The following STXBP6 variants were observed in gnomAD, a reference collection of about 807,000 sequenced individuals.
STXBP6 encodes the protein syntaxin binding protein 6.
STXBP6 carries 21 observed loss-of-function variants against 26.9 expected under a neutral mutation model. The ratio of observed to expected loss-of-function variants is 0.78; its 90% CI spans 0.55 to 1.12. The LOEUF (loss-of-function observed/expected upper bound fraction) is 1.12, where lower values mean the gene tolerates loss of function less well. STXBP6 is among the 50% of genes most tolerant of loss of function. The probability of loss-of-function intolerance (pLI) is 0.00; values close to 1 mark genes in which losing one functional copy is unlikely to be tolerated. For synonymous variants in STXBP6, 97 were observed against 92.6 expected, an observed-to-expected ratio of 1.05 and a Z score of -0.27; for missense variants, 232 against 257.9, an observed-to-expected ratio of 0.90 and a Z score of 0.69.
At chr14:24,916,636 C>G (rs1047963114) in intron 2 of STXBP6, among the ~76,000 whole-genome samples, 1 of 151,974 alleles carries the variant, frequency 6.6e-6, no homozygotes, top group East Asian at 1.9e-4. Flanking sequence ...CCAGAAAATA[C>G]TAGGGAGAAC....
intron 2 of STXBP6, among the ~76,000 whole-genome samples, chr14:24,875,502 G>A (rs1045294813): frequency 2.5e-4 from 38 of 152,178 alleles, no homozygotes; most frequent in African/African-American, 8.4e-4. Flanking sequence ...AAGATTGTTG[G>A]ATGAACTGTT....
In STXBP6 at chr14:25,049,203, C is replaced by T; in HGVS notation, c.-33+675G>A. 2.0e-6 allele frequency: 2 copies of T among 985,388 alleles called. No individual in the cohort carries two copies. The highest frequency in any genetic ancestry group is 2.4e-6 in the Non-Finnish European group (2 of 829,944). 61.0% of individuals were successfully genotyped at this position (985,388 alleles called of 1,614,324 possible). A position where few individuals can be genotyped will look rare whatever the true frequency, so the allele number is the denominator to read the frequency against. On this transcript the variant is annotated intron_variant, in intron 1 of 5. Coordinates refer to ENST00000323944, the MANE Select transcript of STXBP6 (RefSeq NM_001394410.1). This position sits in a 1 kb window ranked among gnomAD's most constrained non-coding sequence, Gnocchi z 5.6. ...AAGGTTGGAGGGAAAATCAAGCCAC[C>T]CACCTACTCCAGCCACGTTGCCCGG... is the stretch of plus-strand genomic sequence containing the variant.
intron 2 of STXBP6, among the ~76,000 whole-genome samples, chr14:24,935,177 A>G (rs1291374642): frequency 6.6e-6 from 1 of 152,188 alleles, no homozygotes; most frequent in Non-Finnish European, 1.5e-5. Context: ...AGCAAGGGCA[A>G]ATGTGGGATC....
chr14:24,949,753 G>A (rs1281668048), intron 2 of STXBP6, among the ~76,000 whole-genome samples: 1 of 152,094 alleles, frequency 6.6e-6, no homozygotes, highest in African/African-American at 2.4e-5. Flanking sequence ...ATAATGAACT[G>A]TAACATAACT....
chr14:25,032,383 G>T (rs1356534724), intron 1 of STXBP6, among the ~76,000 whole-genome samples: 1 of 152,120 alleles, frequency 6.6e-6, no homozygotes, highest in East Asian at 1.9e-4. Context: ...GCACCCCAAG[G>T]CCTGAAATGT....
rs577099178 is a variant in STXBP6, at chr14:24,858,502, A to G, written c.155-1345T>C. ...ACCCATTATTTCAGTTATATTTGCT[A>G]AAAACTTCTGAATATTTCATACCAA... On this transcript the variant is annotated intron_variant, in intron 2 of 5. Coordinates refer to ENST00000323944, the MANE Select transcript of STXBP6 (RefSeq NM_001394410.1). 5.3e-5 allele frequency among the ~76,000 whole-genome samples: 8 copies of G among 152,260 alleles called. No homozygotes were observed. In the East Asian group the frequency reaches 1.5e-3, roughly 29 times the overall value.
intron 4 of STXBP6, 40 bp downstream of exon 4, chr14:24,855,896 A>G (rs2069312124): frequency 1.3e-6 from 2 of 1,552,524 alleles, no homozygotes; most frequent in South Asian, 2.5e-5. Context: ...AGTGAGTCTA[A>G]AGAAACAGGA....
At chr14:25,029,357 G>C (rs775259243) in intron 1 of STXBP6, among the ~76,000 whole-genome samples, 1 of 152,216 alleles carries the variant, frequency 6.6e-6, no homozygotes, top group East Asian at 1.9e-4. Context: ...CAAGACCCTC[G>C]ACCAGCAAAA....
intron 2 of STXBP6, among the ~76,000 whole-genome samples, chr14:24,923,106 C>T (rs752603976): frequency 5.3e-4 from 80 of 152,148 alleles, no homozygotes; most frequent in Admixed American, 1.4e-3. Context: ...TGACATTACC[C>T]CTGCCTCCAT....
chr14:24,920,530 C>T (rs1050687338), intron 2 of STXBP6, among the ~76,000 whole-genome samples: 4 of 152,056 alleles, frequency 2.6e-5, no homozygotes, highest in Admixed American at 2.0e-4. Context: ...AAACTCAAGG[C>T]TGAGTAAGCG....
At chr14:25,040,832 A>C (rs1220702983) in intron 1 of STXBP6, among the ~76,000 whole-genome samples, 2 of 152,202 alleles carry the variant, frequency 1.3e-5, no homozygotes, top group African/African-American at 4.8e-5. Context: ...CCTAAAGCCG[A>C]TGTCTTCATT....
At chr14:24,859,105 A>G (rs2069443698) in intron 2 of STXBP6, among the ~76,000 whole-genome samples, 1 of 152,202 alleles carries the variant, frequency 6.6e-6, no homozygotes. Context: ...TTCACATCTA[A>G]GGAAGGTAAG....
chr14:24,999,440 G>T (rs901566722), intron 1 of STXBP6, among the ~76,000 whole-genome samples: 1 of 152,102 alleles, frequency 6.6e-6, no homozygotes, highest in Non-Finnish European at 1.5e-5. Context: ...CCAACAACAT[G>T]TATTGATTGT....
Position 25,007,937 on chromosome 14 carries a change from C to T in STXBP6, c.-32-33087G>A, listed in dbSNP as rs140676650. Reference sequence around the variant, plus strand: ...AATGGACAATCTCCAGGACTGGACACGCTTCTGCTAAGTTTTCACCTAACA... The same window carrying T: ...AATGGACAATCTCCAGGACTGGACATGCTTCTGCTAAGTTTTCACCTAACA... On this transcript the variant is annotated intron_variant, in intron 1 of 5. Coordinates refer to ENST00000323944, the MANE Select transcript of STXBP6 (RefSeq NM_001394410.1). Among the ~76,000 whole-genome samples the T allele has an allele frequency of 2.6e-3, 390 of 152,298 alleles. 2 individuals are homozygous for T. The highest frequency in any genetic ancestry group is 8.7e-3 in the African/African-American group (360 of 41,564).
intron 2 of STXBP6, among the ~76,000 whole-genome samples, chr14:24,869,242 T>C (rs1376398486): frequency 1.3e-5 from 2 of 152,112 alleles, no homozygotes; most frequent in Non-Finnish European, 2.9e-5. Context: ...TCCAGGGTCA[T>C]TTAAGGCAAT....
Position 24,990,131 on chromosome 14 carries a change from G to A in STXBP6, c.-32-15281C>T, listed in dbSNP as rs942920382. 4.6e-5 allele frequency among the ~76,000 whole-genome samples: 7 copies of A among 152,176 alleles called. No homozygotes were observed. In the East Asian group the frequency reaches 1.3e-3, roughly 29 times the overall value. ...CTATAAGGATTGGCTTACATTGGAA[G>A]AGGAGATCTTTAGAACTGTGTGTAG... On this transcript the variant is annotated intron_variant, in intron 1 of 5. Transcript: ENST00000323944.
At chr14:24,914,451 C>A (rs1391474137) in intron 2 of STXBP6, among the ~76,000 whole-genome samples, 1 of 152,104 alleles carries the variant, frequency 6.6e-6, no homozygotes, top group Non-Finnish European at 1.5e-5. Context: ...TTATACTGCC[C>A]TTAATTAGTC....
intron 2 of STXBP6, among the ~76,000 whole-genome samples, chr14:24,933,259 CT>C (rs1439891452): frequency 7.2e-5 from 11 of 152,074 alleles, no homozygotes; most frequent in African/African-American, 2.7e-4. Flanking sequence ...GGAGGATCCC[CT>C]GAGCAAGGGA....
chr14:24,903,444 T>C (rs1340797981), intron 2 of STXBP6, among the ~76,000 whole-genome samples: 2 of 152,162 alleles, frequency 1.3e-5, no homozygotes, highest in Non-Finnish European at 2.9e-5. Flanking sequence ...CTTTATATTT[T>C]CTCTCTTCTA....
Sources: gnomAD v4.1 joint callset for allele counts (sites outside exome capture counted in the v4.1 genomes callset) on GRCh38, gnomAD v4.1.1 for gene constraint, Gnocchi (gnomAD v3.1) non-coding constraint, MANE v1.5 for transcripts, NCBI Gene and HGNC (gene_info 2026-07-23, HGNC 2026-07-21) for gene names.